Variants in PCNX2 observed in about 807,000 individuals in gnomAD.
The protein encoded by PCNX2 is pecanex-like protein 2.
Under a neutral mutation model 223.8 loss-of-function variants are expected in PCNX2, and 168 were observed. The observed-to-expected ratio is 0.75, with a 90% CI of 0.66 to 0.85. PCNX2 has a LOEUF of 0.85. PCNX2 is among the 40% of genes least tolerant of loss of function. PCNX2 has a pLI of 0.00. For missense variants in PCNX2, 2,507 were observed against 2,675.5 expected (o/e 0.94, Z 1.39); for synonymous variants, 1,006 against 1,052.6 (o/e 0.96, Z 0.86).
chr1:233,323,087 A>G, the PCNX2 span, among the ~76,000 whole-genome samples: 1 of 152,208 alleles, frequency 6.6e-6, no homozygotes, highest in Non-Finnish European at 1.5e-5. Context: ...AAACCCAAGA[A>G]GCTCTGAAAA....
chr1:233,167,686 T>A, intron 17 of PCNX2: 1 of 930,632 alleles, frequency 1.1e-6, no homozygotes, highest in Admixed American at 6.2e-5. Context: ...ACTTTAAATA[T>A]ACACAATAAA....
At chr1:233,036,244 G>A (rs1324000495) in intron 25 of PCNX2, among the ~76,000 whole-genome samples, 1 of 152,030 alleles carries the variant, frequency 6.6e-6, no homozygotes, top group Non-Finnish European at 1.5e-5. Context: ...GAACATTCAG[G>A]TCATCTATTC....
chr1:233,235,025 C>T (rs1229695703), intron 9 of PCNX2, among the ~76,000 whole-genome samples: 1 of 151,924 alleles, frequency 6.6e-6, no homozygotes, highest in Admixed American at 6.6e-5. Flanking sequence ...CCAAACCAGG[C>T]AGGTACAACA....
chr1:233,025,517 G>T, intron 25 of PCNX2, 118 bp from the exon 26 acceptor site: 12 of 1,344,322 alleles, frequency 8.9e-6, no homozygotes, highest in Non-Finnish European at 1.2e-5. Context: ...CGAGGAATCA[G>T]GAAATTTGTT....
intron 19 of PCNX2, among the ~76,000 whole-genome samples, chr1:233,157,082 T>C (rs1240222069): frequency 6.6e-6 from 1 of 152,168 alleles, no homozygotes; most frequent in Non-Finnish European, 1.5e-5. Flanking sequence ...GTGGAAAGTC[T>C]CTATCAAATC....
At chr1:233,151,844 T>C (rs984733386) in intron 19 of PCNX2, among the ~76,000 whole-genome samples, 5 of 152,176 alleles carry the variant, frequency 3.3e-5, no homozygotes, top group African/African-American at 1.2e-4. Flanking sequence ...CCGGCCAATT[T>C]TTGTATTTTT....
chr1:233,125,835 G>A (rs1676066750), intron 21 of PCNX2: 1 of 152,188 alleles, frequency 6.6e-6, no homozygotes, highest in African/African-American at 2.4e-5. Context: ...AACAGATGGG[G>A]GAGAAGGAGA....
chr1:233,293,120 G>A (rs1661866400), intron 1 of PCNX2, among the ~76,000 whole-genome samples: 1 of 152,138 alleles, frequency 6.6e-6, no homozygotes, highest in African/African-American at 2.4e-5. Flanking sequence ...TAGAAATTAA[G>A]GGTTCTGACC....
At chr1:233,298,163 A>G (rs1294348), upstream of PCNX2, among the ~76,000 whole-genome samples, 100,155 of 151,826 alleles carry the variant, frequency 0.66, 33,341 homozygotes, top group East Asian at 0.73. Flanking sequence ...CCAGAAAAAA[A>G]TGAAGCCAAG....
chr1:233,318,543 ATCTTTTTCTTTT>A, the PCNX2 span, among the ~76,000 whole-genome samples: 7 of 130,178 alleles, frequency 5.4e-5, no homozygotes, highest in Admixed American at 4.8e-4. Context: ...CTCCCCCACC[ATCTTTTTCTTTT>A]TCTTTTTCTT....
rs959023370 is a variant in PCNX2, at chr1:232,991,451, A to C, written c.5792-4911T>G. 6.6e-6 allele frequency among the ~76,000 whole-genome samples: 1 copy of C among 151,960 alleles called. No homozygotes were observed. The highest frequency in any genetic ancestry group is 2.4e-5 in the African/African-American group (1 of 41,374). ...CCTGCGGGGGAGGGGTGCTCATGGG[A>C]TGCGCGTGGGTGTTCCGGGCTGAAT... is the stretch of plus-strand genomic sequence containing the variant. On this transcript the variant is annotated intron_variant, in intron 32 of 33. Coordinates refer to ENST00000258229, the MANE Select transcript of PCNX2 (RefSeq NM_014801.4). The surrounding 1 kb of genome is among the most constrained non-coding windows in gnomAD (Gnocchi z 4.3).
At chr1:233,238,216 ACTGT>A (rs1658536057) in intron 8 of PCNX2, among the ~76,000 whole-genome samples, 1 of 152,176 alleles carries the variant, frequency 6.6e-6, no homozygotes, top group Admixed American at 6.5e-5. Flanking sequence ...CCCAAATCAC[ACTGT>A]CTAACACAGG....
chr1:233,290,528 T>C (rs1045449614), intron 1 of PCNX2, among the ~76,000 whole-genome samples: 1 of 152,134 alleles, frequency 6.6e-6, no homozygotes, highest in East Asian at 1.9e-4. Flanking sequence ...TGGGAAAACA[T>C]TGATTGAAAA....
At chr1:233,186,836 G>A (rs1284763193) in intron 15 of PCNX2, among the ~76,000 whole-genome samples, 1 of 152,104 alleles carries the variant, frequency 6.6e-6, no homozygotes, top group South Asian at 2.1e-4. Context: ...ACAGAATAAC[G>A]GGTCCCACGT....
At chr1:233,285,390 T>C (rs567658413) in intron 1 of PCNX2, among the ~76,000 whole-genome samples, 155 of 152,046 alleles carry the variant, frequency 1.0e-3, no homozygotes, top group African/African-American at 3.6e-3. Flanking sequence ...AAAATAAACT[T>C]GGTGGCCAGG....
At chr1:233,312,152 A>C in the PCNX2 span, among the ~76,000 whole-genome samples, 2 of 152,288 alleles carry the variant, frequency 1.3e-5, no homozygotes, top group African/African-American at 4.8e-5. Context: ...AATAATAATT[A>C]CAAAGCTGGT....
At chr1:233,251,755 C>T (rs1484045823) in intron 7 of PCNX2, among the ~76,000 whole-genome samples, 1 of 152,232 alleles carries the variant, frequency 6.6e-6, no homozygotes, top group Non-Finnish European at 1.5e-5. Flanking sequence ...ACGAGCACTA[C>T]TGGAGCTATA....
intron 23 of PCNX2, among the ~76,000 whole-genome samples, chr1:233,063,253 A>G (rs940412925): frequency 6.6e-6 from 1 of 152,156 alleles, no homozygotes; most frequent in Admixed American, 6.6e-5. Context: ...AACAACAACG[A>G]AGAAGAATAG....
At chr1:233,192,969 T>C (rs1281956813) in intron 15 of PCNX2, among the ~76,000 whole-genome samples, 2 of 148,464 alleles carry the variant, frequency 1.3e-5, no homozygotes, top group Non-Finnish European at 3.0e-5. Flanking sequence ...TAAATACATT[T>C]TAATTTGCAT....
Sources: allele counts gnomAD v4.1 joint callset (sites outside exome capture counted in the v4.1 genomes callset), GRCh38; gene constraint gnomAD v4.1.1; non-coding constraint Gnocchi (gnomAD v3.1); transcripts MANE v1.5; gene names NCBI Gene and HGNC (gene_info 2026-07-23, HGNC 2026-07-21).